INTS12: variants seen among roughly 807,000 people sequenced by gnomAD.
INTS12 encodes PHD finger protein 22.
Under a neutral mutation model 41.6 loss-of-function variants are expected in INTS12, and 13 were observed. The observed-to-expected ratio is 0.31, with a 90% confidence interval of 0.20 to 0.50. The LOEUF (loss-of-function observed/expected upper bound fraction) is 0.50, where lower values mean the gene tolerates loss of function less well. INTS12 is among the 20% of genes least tolerant of loss of function. INTS12 has a pLI of 0.98. For synonymous variants in INTS12, 199 were observed against 191.4 expected, an observed-to-expected ratio of 1.04 and a Z score of -0.33; for missense variants, 432 against 541.6, an observed-to-expected ratio of 0.80 and a Z score of 2.01.
At chr4:105,692,288 A>G (rs1321039181) in intron 5 of INTS12, among the ~76,000 whole-genome samples, 153 bp from the exon 6 acceptor site, 1 of 152,108 alleles carries the variant, frequency 6.6e-6, no homozygotes, top group African/African-American at 2.4e-5. Flanking sequence ...GTTCAAGACC[A>G]GCCTGGCTGA....
At chr4:105,690,879 CT>C (rs1201247012) in intron 6 of INTS12, among the ~76,000 whole-genome samples, 1 of 152,076 alleles carries the variant, frequency 6.6e-6, no homozygotes, top group East Asian at 1.9e-4. Context: ...CATTGCTCAT[CT>C]GTAATAATTT....
Position 105,692,075 on chromosome 4 carries a change from G to T in INTS12, c.558C>A (p.Tyr186Ter). Residue 186 changes from tyrosine to a stop codon, truncating the protein, a stop_gained, in exon 6 of 8, where the codon TAC (tyrosine) becomes TAA (stop). Coordinates refer to ENST00000340139, the MANE Select transcript of INTS12 (RefSeq NM_020395.4). LOFTEE classifies it high-confidence loss of function. ...CCTGGGGTTTATGACAATCTCGGTG[G>T]TAGAGATTATGGCACTCCTGACATT... ...LVECQECHNL[Y>*]HRDCHKPQVT... 1 of 1,609,668 alleles carries T rather than the reference G, an allele frequency of 6.2e-7. No homozygotes were observed. Among genetic ancestry groups the T allele is most frequent in the Non-Finnish European group, 8.5e-7 (1 of 1,177,910 alleles).
chr4:105,692,593 C>T (rs1731729918), intron 5 of INTS12, among the ~76,000 whole-genome samples: 1 of 150,580 alleles, frequency 6.6e-6, no homozygotes. Flanking sequence ...CAAACCCCAA[C>T]ACTTGGCATG....
In INTS12 at chr4:105,691,995, G is replaced by C. The variant is rs1731705336; in HGVS notation, c.638C>G (p.Thr213Ser). ...PRLVWYCARC[T>S]RQMKRMAQKT... is the part of the protein sequence containing the mutation. ...TCCTACCATTCTTTTCATTTGTCTG[G>C]TACATCGGGCACAATACCACACCAG... is the stretch of plus-strand genomic sequence containing the variant. Residue 213 changes from threonine (T) to serine (S), a missense_variant, in exon 6 of 8, where the codon ACC (threonine) becomes AGC (serine). By Grantham distance (58) the Thr-to-Ser change is moderately conservative. Coordinates refer to ENST00000340139, the MANE Select transcript of INTS12 (RefSeq NM_020395.4). The C allele has an allele frequency of 6.4e-7, 1 of 1,557,506 alleles. No homozygotes were observed. Among genetic ancestry groups the C allele is most frequent in the Non-Finnish European group, 8.7e-7 (1 of 1,152,356 alleles).
At chr4:105,687,666 G>C (rs536041934) in intron 6 of INTS12, among the ~76,000 whole-genome samples, 1 of 152,286 alleles carries the variant, frequency 6.6e-6, no homozygotes, top group South Asian at 2.1e-4. Context: ...GCAACTGGCT[G>C]GGTGCAGTGG....
chr4:105,701,780 C>T (rs1732082320), intron 2 of INTS12, among the ~76,000 whole-genome samples: 4 of 152,176 alleles, frequency 2.6e-5, no homozygotes, highest in Admixed American at 2.6e-4. Flanking sequence ...AAAGGGTTGA[C>T]ACCTAAAAGA....
chr4:105,697,977 G>A (rs1318511053), intron 3 of INTS12, among the ~76,000 whole-genome samples: 2 of 152,182 alleles, frequency 1.3e-5, no homozygotes, highest in Non-Finnish European at 2.9e-5. Flanking sequence ...TTGAACCTGG[G>A]AGGGAGAGAG....
chr4:105,696,203 C>T (rs1394236884), intron 3 of INTS12, among the ~76,000 whole-genome samples: 1 of 152,180 alleles, frequency 6.6e-6, no homozygotes, highest in African/African-American at 2.4e-5. Flanking sequence ...CATATGTATA[C>T]GTCTGTGACA....
In INTS12 at chr4:105,702,849, T is replaced by C. The variant is rs904480134; in HGVS notation, c.-10+799A>G. ...ACCTAAAATAAAACACTTATGGTTA[T>C]GTGGTTTATATTTTATATTTTAGTT... On this transcript the variant is annotated intron_variant, in intron 2 of 7. Coordinates refer to ENST00000340139, the MANE Select transcript of INTS12 (RefSeq NM_020395.4). 36 of 960,852 alleles carry C rather than the reference T, an allele frequency of 3.7e-5. No individual in the cohort carries two copies. In the South Asian group the frequency reaches 9.6e-4, roughly 26 times the overall value. The allele number at this position is 960,852 out of a possible 1,614,324, so 59.5% of individuals were successfully genotyped here.
intron 5 of INTS12, among the ~76,000 whole-genome samples, chr4:105,692,672 T>C (rs1189279397): frequency 6.6e-6 from 1 of 152,102 alleles, no homozygotes; most frequent in African/African-American, 2.4e-5. Context: ...TTAATTAAAT[T>C]TGGCTATTTT....
intron 2 of INTS12, among the ~76,000 whole-genome samples, chr4:105,701,169 C>T (rs773038113): frequency 7.9e-5 from 12 of 151,728 alleles, no homozygotes; most frequent in Non-Finnish European, 1.6e-4. Flanking sequence ...TTGTCCCCTC[C>T]CCTCCAGCTT....
At chr4:105,686,914 C>T in intron 6 of INTS12, 76 bp from the exon 7 acceptor site, 1 of 1,264,116 alleles carries the variant, frequency 7.9e-7, no homozygotes, top group South Asian at 1.2e-5. Flanking sequence ...CCTCACAGGA[C>T]TCATCACTGA....
chr4:105,694,487 G>C (rs980286251), intron 4 of INTS12, among the ~76,000 whole-genome samples: 31 of 152,096 alleles, frequency 2.0e-4, no homozygotes, highest in African/African-American at 7.2e-4. Flanking sequence ...CACCACACCT[G>C]GCTAATTTTT....
At chr4:105,700,092 A>C in intron 2 of INTS12, 78 bp from the exon 3 acceptor site, 1 of 973,378 alleles carries the variant, frequency 1.0e-6, no homozygotes, top group Non-Finnish European at 1.5e-6. Context: ...TCTGTTTTTT[A>C]ATTTGTAATA....
chr4:105,707,538 C>T (rs1732330678), intron 1 of INTS12, among the ~76,000 whole-genome samples: 1 of 152,112 alleles, frequency 6.6e-6, no homozygotes, highest in African/African-American at 2.4e-5. Flanking sequence ...GCAAAAATCA[C>T]AAAAGTAACT....
Position 105,691,576 on chromosome 4 carries a change from G to A in INTS12, c.657+400C>T, listed in dbSNP as rs80067572. On this transcript the variant is annotated intron_variant, in intron 6 of 7. Transcript: ENST00000340139. ...GCCTCTGTACACATCTTATCCATGC[G>A]GTGGTTTAAGCTCACTCAGAAATTT... 3.0e-3 allele frequency among the ~76,000 whole-genome samples: 454 copies of A among 152,202 alleles called. 10 individuals are homozygous for A. In the East Asian group the frequency reaches 0.065, roughly 22 times the overall value.
rs565745727 is a variant in INTS12, at chr4:105,684,623, A to T, written c.805-1306T>A. On this transcript the variant is annotated intron_variant, in intron 7 of 7. Coordinates refer to ENST00000340139, the MANE Select transcript of INTS12 (RefSeq NM_020395.4). The stretch of plus-strand genomic sequence containing the variant: ...CCACATACTCTGAAAATTGATAGGA[A>T]GTTTTCTTACAGTAACATATTAACT... Among the ~76,000 whole-genome samples, 16 of 152,258 alleles carry T rather than the reference A, an allele frequency of 1.1e-4. No individual in the cohort carries two copies. In the South Asian group the frequency reaches 3.3e-3, roughly 32 times the overall value.
At chr4:105,708,188 G>C in intron 1 of INTS12, 2 of 985,402 alleles carry the variant, frequency 2.0e-6, no homozygotes, top group Non-Finnish European at 2.4e-6. Context: ...AAAAGGCTCC[G>C]ATTCCAAACC....
rs143820409 is a variant in INTS12, at chr4:105,699,895, T to C, written c.111A>G (p.Glu37=). The change falls in exon 3 of 8, where the codon GAA becomes GAG. Residue 37 remains glutamate, a synonymous_variant. Coordinates refer to ENST00000340139, the MANE Select transcript of INTS12 (RefSeq NM_020395.4). ...TGGAATCAATGCCCCGAGCCAAAGA[T>C]TCATCAAGCAGTGCTTTTAGCTTTT... The part of the protein sequence containing the change: ...SAEKLKALLD[E]SLARGIDSSY... 4.5e-6 allele frequency: 7 copies of C among 1,550,950 alleles called. No homozygotes were observed. The African/African-American group carries it at 6.7e-5, about 15-fold the overall frequency.
Sources: allele counts gnomAD v4.1 joint callset (sites outside exome capture counted in the v4.1 genomes callset), GRCh38; gene constraint gnomAD v4.1.1; transcripts MANE v1.5; gene names NCBI Gene and HGNC (gene_info 2026-07-23, HGNC 2026-07-21).